Variants in RGS7 observed in about 807,000 individuals in gnomAD.
RGS7 encodes regulator of G-protein signaling 7.
RGS7 carries 27 observed loss-of-function variants against 81.1 expected under a neutral mutation model. The ratio of observed to expected loss-of-function variants is 0.33; its 90% CI spans 0.25 to 0.46. The LOEUF is 0.46. Ranked by LOEUF, RGS7 falls within the 20% of genes least tolerant of loss-of-function variation. The pLI is 1.00. For synonymous variants in RGS7, 208 were observed against 207.7 expected (o/e 1.00, Z -0.01); for missense variants, 396 against 607.4 (o/e 0.65, Z 3.66).
chr1:240,906,957 A>T (rs1217780453), intron 6 of RGS7, among the ~76,000 whole-genome samples: 5 of 152,238 alleles, frequency 3.3e-5, no homozygotes, highest in Admixed American at 2.0e-4. Flanking sequence ...AATCTTTGTT[A>T]AATACTCTAG....
At position 240,939,432 on chromosome 1, in the gene RGS7, C is replaced by T. The variant is rs1377619176; in HGVS notation, c.227-2726G>A. Among the ~76,000 whole-genome samples the T allele has an allele frequency of 3.3e-5, 5 of 152,156 alleles. No individual in the cohort carries two copies. The East Asian group carries it at 9.6e-4, about 29-fold the overall frequency. On this transcript the variant is annotated intron_variant, in intron 4 of 18. Transcript: ENST00000440928. ...AGTCCTAAGCAGCCACGTTCATCAACATCATCTTATTCTCTTTTTTTTTGA... is the reference window on the plus strand; with the variant it reads ...AGTCCTAAGCAGCCACGTTCATCAATATCATCTTATTCTCTTTTTTTTTGA...
chr1:241,328,674 T>C (rs2081767003), intron 2 of RGS7, among the ~76,000 whole-genome samples: 1 of 152,206 alleles, frequency 6.6e-6, no homozygotes, highest in South Asian at 2.1e-4. Context: ...GACTCCAGCA[T>C]GGTTTTTTAT....
chr1:241,060,397 G>A (rs1401146329), intron 3 of RGS7, among the ~76,000 whole-genome samples: 2 of 152,132 alleles, frequency 1.3e-5, no homozygotes, highest in Non-Finnish European at 2.9e-5. Flanking sequence ...ATGCTTGACA[G>A]ACAGCAGGCT....
In RGS7 at chr1:241,156,185, C is replaced by CAT. The variant is rs1389306628; in HGVS notation, c.79-57424_79-57423insAT. 4.7e-3 allele frequency among the ~76,000 whole-genome samples: 706 copies of CAT among 149,324 alleles called. 3 individuals carry two copies. The highest frequency in any genetic ancestry group is 0.017 in the African/African-American group (663 of 39,368). ...AGATAGATAGATACATATACATAGA[C>CAT]AGACAGACAGAAAGATAGATGCTAG... On this transcript the variant is annotated intron_variant, in intron 2 of 18. Transcript: ENST00000440928.
chr1:240,998,397 CTTT>C, intron 3 of RGS7: 1 of 486,770 alleles, frequency 2.1e-6, no homozygotes. Flanking sequence ...TCTTCAAGTA[CTTT>C]TTTTTTTTAA....
At chr1:240,909,263 G>A (rs1671337366) in intron 6 of RGS7, among the ~76,000 whole-genome samples, 1 of 152,134 alleles carries the variant, frequency 6.6e-6, no homozygotes, top group African/African-American at 2.4e-5. Context: ...GTGCAATGAA[G>A]CATATTTGCA....
intron 2 of RGS7, among the ~76,000 whole-genome samples, chr1:241,184,775 C>T (rs1391152811): frequency 1.3e-5 from 2 of 151,996 alleles, no homozygotes; most frequent in Non-Finnish European, 2.9e-5. Context: ...AAAAAAACCC[C>T]GAATTCAAAA....
At chr1:241,317,671 G>C (rs748039231) in intron 2 of RGS7, among the ~76,000 whole-genome samples, 1 of 152,108 alleles carries the variant, frequency 6.6e-6, no homozygotes, top group Non-Finnish European at 1.5e-5. Flanking sequence ...GTGGTTATCT[G>C]CACATCAAAA....
At chr1:241,110,324 T>C (rs1572731070) in intron 2 of RGS7, among the ~76,000 whole-genome samples, 1 of 152,214 alleles carries the variant, frequency 6.6e-6, no homozygotes, top group East Asian at 1.9e-4. Context: ...GAAAGGCTTC[T>C]CTTGGGACTT....
At chr1:241,309,380 C>T (rs1052913998) in intron 2 of RGS7, among the ~76,000 whole-genome samples, 20 of 62,742 alleles carry the variant, frequency 3.2e-4, no homozygotes, top group Admixed American at 4.7e-4. Context: ...GAGCGAAACT[C>T]CAACTCAAAA....
chr1:241,115,914 T>A lies in RGS7; in HGVS notation c.79-17152A>T, dbSNP rs535878238. ...AGGTGATTGGATCATGGGAAGGGAT[T>A]TCCCCCTTGCTGTTCTTATGTTAAT... is the stretch of plus-strand genomic sequence containing the variant. On this transcript the variant is annotated intron_variant, in intron 2 of 18. Transcript: ENST00000440928. Among the ~76,000 whole-genome samples, 18 of 152,216 alleles carry A rather than the reference T, an allele frequency of 1.2e-4. No individual in the cohort carries two copies. In the South Asian group the frequency reaches 3.5e-3, roughly 30 times the overall value.
At chr1:241,210,646 C>T (rs1279590134) in intron 2 of RGS7, among the ~76,000 whole-genome samples, 2 of 152,140 alleles carry the variant, frequency 1.3e-5, no homozygotes, top group Admixed American at 6.5e-5. Flanking sequence ...AAACACATTC[C>T]ATGGAATATT....
At chr1:240,814,174 T>C (rs1182859753) in intron 12 of RGS7, among the ~76,000 whole-genome samples, 1 of 152,128 alleles carries the variant, frequency 6.6e-6, no homozygotes, top group South Asian at 2.1e-4. Context: ...TAAATGTATA[T>C]AAAAATTTTA....
intron 1 of RGS7, among the ~76,000 whole-genome samples, chr1:241,356,326 G>A (rs2083566610): frequency 6.6e-6 from 1 of 152,112 alleles, no homozygotes; most frequent in Non-Finnish European, 1.5e-5. Context: ...TCATTCTCCA[G>A]CGCACGGGCT....
intron 10 of RGS7, among the ~76,000 whole-genome samples, chr1:240,821,661 C>T (rs940377766): frequency 1.3e-5 from 2 of 152,138 alleles, no homozygotes; most frequent in Non-Finnish European, 2.9e-5. Context: ...ACAGCTAGAA[C>T]CACTGGATTA....
chr1:240,950,555 C>A (rs1679389501), intron 4 of RGS7, among the ~76,000 whole-genome samples: 1 of 152,300 alleles, frequency 6.6e-6, no homozygotes, highest in Non-Finnish European at 1.5e-5. Flanking sequence ...GGGATCTATA[C>A]TTCTGGAGAA....
intron 3 of RGS7, among the ~76,000 whole-genome samples, chr1:241,018,909 G>C (rs529580905): frequency 1.3e-5 from 2 of 152,190 alleles, no homozygotes; most frequent in East Asian, 3.9e-4. Context: ...TCACAAGCTG[G>C]GATAAGGTTT....
intron 3 of RGS7, among the ~76,000 whole-genome samples, chr1:241,055,927 G>A (rs2148819129): frequency 6.6e-6 from 1 of 152,280 alleles, no homozygotes; most frequent in Non-Finnish European, 1.5e-5. Flanking sequence ...GAAAACAAGA[G>A]GAATGCCAAA....
intron 10 of RGS7, among the ~76,000 whole-genome samples, chr1:240,822,079 A>T (rs1461873056): frequency 6.6e-6 from 1 of 152,166 alleles, no homozygotes; most frequent in South Asian, 2.1e-4. Flanking sequence ...ATTGGATGGG[A>T]TTAACATTTA....
Sources: gnomAD v4.1 joint callset for allele counts (sites outside exome capture counted in the v4.1 genomes callset) on GRCh38, gnomAD v4.1.1 for gene constraint, MANE v1.5 for transcripts, NCBI Gene and HGNC (gene_info 2026-07-23, HGNC 2026-07-21) for gene names.